PPFIBP2: variants seen among roughly 807,000 people sequenced by gnomAD.
PPFIBP2 encodes liprin-beta-2.
Under a neutral mutation model 118.3 loss-of-function variants are expected in PPFIBP2, and 118 were observed. That is an observed-to-expected ratio of 1.00 (90% CI 0.86 to 1.16). PPFIBP2 has a LOEUF of 1.16. PPFIBP2 is among the 50% of genes most tolerant of loss of function. The pLI, the probability that PPFIBP2 is intolerant of heterozygous loss-of-function variation, is 0.00. For synonymous variants in PPFIBP2, 414 were observed against 397.4 expected (o/e 1.04, Z -0.50); for missense variants, 1,195 against 1,073.1 (o/e 1.11, Z -1.59).
At chr11:7,528,211 T>A (rs1375839419) in intron 1 of PPFIBP2, among the ~76,000 whole-genome samples, 2 of 152,188 alleles carry the variant, frequency 1.3e-5, no homozygotes, top group African/African-American at 4.8e-5. Flanking sequence ...GCAAACCACA[T>A]TAACCTTTGA....
At chr11:7,604,882 T>TA (rs1186700584) in intron 5 of PPFIBP2, among the ~76,000 whole-genome samples, 10 of 152,116 alleles carry the variant, frequency 6.6e-5, no homozygotes, top group Admixed American at 6.6e-4. Context: ...CATTCTGAGT[T>TA]ACCAGCTGGA....
chr11:7,607,841 C>A (rs1172621088), intron 5 of PPFIBP2, among the ~76,000 whole-genome samples: 2 of 152,132 alleles, frequency 1.3e-5, no homozygotes, highest in African/African-American at 4.8e-5. Context: ...TATTTTCCTA[C>A]CTGCTTTAAT....
intron 14 of PPFIBP2, 130 bp downstream of exon 14, chr11:7,635,723 C>T (rs181058677): frequency 1.4e-4 from 121 of 886,586 alleles, no homozygotes; most frequent in East Asian, 9.7e-4. Flanking sequence ...AGAGGAAAGA[C>T]GCAACTTTTC....
At chr11:7,641,126 C>T (rs1852132751) in intron 15 of PPFIBP2, 2 of 1,211,610 alleles carry the variant, frequency 1.7e-6, no homozygotes, top group Admixed American at 2.3e-5. Flanking sequence ...CTACCCTAAC[C>T]CTCCCCTTCA....
intron 2 of PPFIBP2, among the ~76,000 whole-genome samples, chr11:7,563,014 G>C (rs1854526286): frequency 1.4e-5 from 2 of 138,296 alleles, no homozygotes; most frequent in African/African-American, 5.2e-5. Flanking sequence ...ACTTGGCACA[G>C]ATATACATGT....
At chr11:7,558,484 C>T (rs1246495392) in intron 2 of PPFIBP2, among the ~76,000 whole-genome samples, 3 of 152,170 alleles carry the variant, frequency 2.0e-5, no homozygotes, top group Admixed American at 6.5e-5. Context: ...CAGCTGGCTG[C>T]GGTGGCTCAC....
chr11:7,595,325 A>C lies in PPFIBP2; in HGVS notation c.372+2101A>C, dbSNP rs115505988. On this transcript the variant is annotated intron_variant, in intron 4 of 23. Transcript: ENST00000299492. ...AAACTCTTATCCCAATGACATGATT[A>C]ATGAAAGAGTATCCAATGTAAGATT... is the stretch of plus-strand genomic sequence containing the variant. Among the ~76,000 whole-genome samples the C allele has an allele frequency of 5.7e-3, 871 of 152,346 alleles. 7 individuals are homozygous for C. Among genetic ancestry groups the C allele is most frequent in the African/African-American group, 0.018 (752 of 41,580 alleles).
intron 2 of PPFIBP2, among the ~76,000 whole-genome samples, chr11:7,560,570 CT>C (rs1463598679): frequency 6.6e-6 from 1 of 152,142 alleles, no homozygotes; most frequent in African/African-American, 2.4e-5. Context: ...TTTTCCCCTA[CT>C]TTTTGAAAAT....
chr11:7,590,929 C>T (rs1859150356), intron 3 of PPFIBP2, among the ~76,000 whole-genome samples: 1 of 152,200 alleles, frequency 6.6e-6, no homozygotes, highest in Non-Finnish European at 1.5e-5. Flanking sequence ...AATTATGCTT[C>T]TCCTAGGCAA....
At chr11:7,665,667 G>GAAGT in the PPFIBP2 span, 23 of 1,235,830 alleles carry the variant, frequency 1.9e-5, no homozygotes, top group African/African-American at 3.2e-4. Context: ...CAAAGGCTTA[G>GAAGT]AAGTCTGTAC....
chr11:7,641,789 G>T, intron 16 of PPFIBP2, 169 bp downstream of exon 16: 1 of 742,670 alleles, frequency 1.3e-6, no homozygotes, highest in Non-Finnish European at 2.2e-6. Flanking sequence ...AAGAGAAGGA[G>T]AAGTATGAAA....
intron 10 of PPFIBP2, among the ~76,000 whole-genome samples, chr11:7,629,890 G>A (rs941032054): frequency 6.6e-6 from 1 of 152,198 alleles, no homozygotes; most frequent in Non-Finnish European, 1.5e-5. Context: ...GCCATCATTG[G>A]GGATTAGAGC....
In PPFIBP2 at chr11:7,649,249, C is replaced by A; in HGVS notation, c.1998+14C>A. The A allele has an allele frequency of 6.2e-7, 1 of 1,603,430 alleles. No individual in the cohort carries two copies. Among genetic ancestry groups the A allele is most frequent in the African/African-American group, 1.3e-5 (1 of 74,700 alleles). ...TACCTAACTGTGGTGAGGACTTTTT[C>A]TTTAAATATTTCAGTTGTCCCTGTG... is the stretch of plus-strand genomic sequence containing the variant. On this transcript the variant is annotated intron_variant, in intron 20 of 23. Transcript: ENST00000299492.
chr11:7,665,776 T>C, the PPFIBP2 span: 3 of 1,447,472 alleles, frequency 2.1e-6, no homozygotes, highest in Non-Finnish European at 2.8e-6. Flanking sequence ...GCCCTGCTGC[T>C]GTCTGTCAGC....
At chr11:7,574,926 A>T (rs1856098091) in intron 3 of PPFIBP2, among the ~76,000 whole-genome samples, 1 of 152,192 alleles carries the variant, frequency 6.6e-6, no homozygotes, top group Non-Finnish European at 1.5e-5. Flanking sequence ...AGAATGCCAT[A>T]AAAATGTCAA....
At chr11:7,606,275 T>A (rs920640525) in intron 5 of PPFIBP2, among the ~76,000 whole-genome samples, 6 of 152,168 alleles carry the variant, frequency 3.9e-5, no homozygotes, top group Non-Finnish European at 8.8e-5. Flanking sequence ...AAAAACATGA[T>A]TCACTTTATG....
chr11:7,580,930 C>G (rs1286563516), intron 3 of PPFIBP2, among the ~76,000 whole-genome samples: 2 of 152,210 alleles, frequency 1.3e-5, no homozygotes, highest in Non-Finnish European at 2.9e-5. Context: ...AATTGCCTCT[C>G]AGGCCATTCA....
chr11:7,565,779 C>T lies in PPFIBP2; in HGVS notation c.279+12C>T, dbSNP rs781659287. On this transcript the variant is annotated intron_variant, in intron 3 of 23. Transcript: ENST00000299492. The stretch of plus-strand genomic sequence containing the variant: ...TTGAAGAGAGCTTGGTGAGTAGTCC[C>T]GTGGCCTGATTGGGAACCACTGGGG... 12 of 1,612,854 alleles carry T rather than the reference C, an allele frequency of 7.4e-6. No individual in the cohort carries two copies. Among genetic ancestry groups the T allele is most frequent in the Middle Eastern group, 1.7e-4 (1 of 6,038 alleles).
chr11:7,557,757 G>A lies in PPFIBP2; in HGVS notation c.65-7796G>A, dbSNP rs537168618. Among the ~76,000 whole-genome samples the A allele has an allele frequency of 1.3e-4, 20 of 152,258 alleles. No individual in the cohort carries two copies. In the South Asian group the frequency reaches 4.1e-3, roughly 32 times the overall value. ...ATCCTAGCATTCTAGAGCAGTTGTA[G>A]AGCATTTGGGGATGCAGATTCATAT... On this transcript the variant is annotated intron_variant, in intron 2 of 23. Transcript: ENST00000299492.
Sources: gnomAD v4.1 joint callset for allele counts (sites outside exome capture counted in the v4.1 genomes callset) on GRCh38, gnomAD v4.1.1 for gene constraint, MANE v1.5 for transcripts, NCBI Gene and HGNC (gene_info 2026-07-23, HGNC 2026-07-21) for gene names.